The following VWA8 variants were observed in gnomAD, a reference collection of about 807,000 sequenced individuals.
The protein encoded by VWA8 is von Willebrand factor A domain-containing protein 8.
VWA8 carries 221 observed loss-of-function variants against 241.5 expected under a neutral mutation model. The observed-to-expected ratio is 0.91, with a 90% CI of 0.82 to 1.02. The LOEUF (loss-of-function observed/expected upper bound fraction) is 1.02. Ranked by LOEUF, VWA8 falls within the 50% of genes least tolerant of loss-of-function variation. The probability of loss-of-function intolerance (pLI) is 0.00; values close to 1 mark genes in which losing one functional copy is unlikely to be tolerated. For missense variants in VWA8, 2,322 were observed against 2,328.7 expected (o/e 1.00, Z 0.06); for synonymous variants, 852 against 827.1 (o/e 1.03, Z -0.52).
intron 20 of VWA8, among the ~76,000 whole-genome samples, chr13:41,762,161 G>A (rs1221932956): frequency 6.6e-6 from 1 of 152,052 alleles, no homozygotes; most frequent in Non-Finnish European, 1.5e-5. Context: ...TTTTAGATTA[G>A]GGATGCTCAA....
intron 13 of VWA8, among the ~76,000 whole-genome samples, chr13:41,832,344 T>C (rs1222424817): frequency 6.6e-6 from 1 of 152,192 alleles, no homozygotes; most frequent in African/African-American, 2.4e-5. Flanking sequence ...AGTAGCTGCT[T>C]CTATTATTAC....
chr13:41,657,680 G>A (rs892491827), intron 37 of VWA8, among the ~76,000 whole-genome samples: 1 of 151,770 alleles, frequency 6.6e-6, no homozygotes, highest in South Asian at 2.1e-4. Context: ...TAGTAGAGAC[G>A]GGGTTTCACC....
At chr13:41,702,584 A>G (rs1450322044) in intron 27 of VWA8, among the ~76,000 whole-genome samples, 1 of 152,196 alleles carries the variant, frequency 6.6e-6, no homozygotes, top group Non-Finnish European at 1.5e-5. Context: ...TTTTTTTGTA[A>G]ATAAAATTTT....
At chr13:41,716,217 G>A (rs886727814) in intron 26 of VWA8, among the ~76,000 whole-genome samples, 1 of 151,940 alleles carries the variant, frequency 6.6e-6, no homozygotes, top group Non-Finnish European at 1.5e-5. Flanking sequence ...GCTCCATTAT[G>A]GCAGGATCAA....
intron 12 of VWA8, chr13:41,865,305 T>C (rs758043442): frequency 5.9e-5 from 23 of 392,032 alleles, no homozygotes; most frequent in Non-Finnish European, 1.0e-4. Context: ...CATTTATCTT[T>C]TCTTTATGCT....
At chr13:41,628,434 G>A (rs769944158) in intron 37 of VWA8, among the ~76,000 whole-genome samples, 1 of 152,084 alleles carries the variant, frequency 6.6e-6, no homozygotes, top group Non-Finnish European at 1.5e-5. Context: ...TTTATAAAGT[G>A]CATATAAATT....
chr13:41,715,441 G>A (rs947029910), intron 26 of VWA8, among the ~76,000 whole-genome samples: 1 of 151,836 alleles, frequency 6.6e-6, no homozygotes, highest in African/African-American at 2.4e-5. Flanking sequence ...GAAAAAGATA[G>A]CATTTTTTTC....
intron 16 of VWA8, among the ~76,000 whole-genome samples, chr13:41,815,495 C>A (rs1870651265): frequency 6.6e-6 from 1 of 152,168 alleles, no homozygotes; most frequent in South Asian, 2.1e-4. Flanking sequence ...AGATTTGACA[C>A]AAACACAGGG....
At chr13:41,585,295 G>A in intron 42 of VWA8, among the ~76,000 whole-genome samples, 1 of 152,150 alleles carries the variant, frequency 6.6e-6, no homozygotes, top group East Asian at 1.9e-4. Context: ...CACCTCCCTG[G>A]AGGCATCGGA....
chr13:41,820,740 T>C (rs571679321), intron 14 of VWA8, among the ~76,000 whole-genome samples: 1 of 152,286 alleles, frequency 6.6e-6, no homozygotes, highest in South Asian at 2.1e-4. Flanking sequence ...TTACTTAAGA[T>C]TGCTAGTAAT....
At chr13:41,768,727 TA>T (rs1208241867) in intron 20 of VWA8, among the ~76,000 whole-genome samples, 1 of 152,158 alleles carries the variant, frequency 6.6e-6, no homozygotes. Flanking sequence ...TCAATATTGG[TA>T]TAATTCTGAA....
At chr13:41,832,946 C>CAAA (rs34224397) in intron 13 of VWA8, among the ~76,000 whole-genome samples, 25 of 147,542 alleles carry the variant, frequency 1.7e-4, no homozygotes, top group African/African-American at 5.4e-4. Context: ...TTCTCTCTCT[C>CAAA]AAAAAAAAAA....
intron 2 of VWA8, among the ~76,000 whole-genome samples, chr13:41,937,578 G>A (rs928829479): frequency 3.9e-5 from 6 of 152,124 alleles, no homozygotes; most frequent in African/African-American, 1.4e-4. Flanking sequence ...AGCTTTGCTC[G>A]CTTGCCTGCT....
chr13:41,881,360 G>T (rs1040229881), intron 9 of VWA8, among the ~76,000 whole-genome samples: 3 of 69,900 alleles, frequency 4.3e-5, no homozygotes, highest in African/African-American at 1.9e-4. Flanking sequence ...GAACATCATA[G>T]TTTTTTTTTG....
intron 37 of VWA8, among the ~76,000 whole-genome samples, chr13:41,646,474 A>G (rs908176903): frequency 3.3e-5 from 5 of 152,238 alleles, no homozygotes; most frequent in African/African-American, 1.2e-4. Flanking sequence ...CAGGACAGGA[A>G]ACTAAGGCTT....
chr13:41,849,862 G>A (rs1176568975), intron 12 of VWA8, among the ~76,000 whole-genome samples: 3 of 151,906 alleles, frequency 2.0e-5, no homozygotes, highest in Non-Finnish European at 4.4e-5. Flanking sequence ...ACTACAGCCT[G>A]GGTGACAGAG....
intron 5 of VWA8, among the ~76,000 whole-genome samples, chr13:41,891,201 CAAAA>C (rs11422492): frequency 2.2e-5 from 3 of 136,460 alleles, no homozygotes; most frequent in Non-Finnish European, 3.2e-5. Context: ...TTAGACTGAC[CAAAA>C]AAAAAAAAGA....
intron 37 of VWA8, among the ~76,000 whole-genome samples, chr13:41,664,389 A>ATG (rs3073033): frequency 0.2 from 27,761 of 137,772 alleles, 2,811 homozygotes; most frequent in East Asian, 0.34. Flanking sequence ...ACATGCTTTG[A>ATG]TGTGTGTGTG....
At chr13:41,697,618 C>T (rs953991659) in intron 29 of VWA8, among the ~76,000 whole-genome samples, 2 of 152,150 alleles carry the variant, frequency 1.3e-5, no homozygotes, top group African/African-American at 2.4e-5. Context: ...AACCTAGATC[C>T]CTTGCATGCG....
Sources: gnomAD v4.1 joint callset for allele counts (sites outside exome capture counted in the v4.1 genomes callset) on GRCh38, gnomAD v4.1.1 for gene constraint, MANE v1.5 for transcripts, NCBI Gene and HGNC (gene_info 2026-07-23, HGNC 2026-07-21) for gene names.